The following VSIR variants were observed in gnomAD, a reference collection of about 807,000 sequenced individuals.
VSIR encodes the protein V-set immunoregulatory receptor.
In VSIR, 10 loss-of-function variants were observed where a neutral mutation model predicts 31.0. That is an observed-to-expected ratio of 0.32 (90% CI 0.20 to 0.55). The LOEUF (loss-of-function observed/expected upper bound fraction) is 0.55, where lower values mean the gene tolerates loss of function less well. Ranked by LOEUF, VSIR falls within the 20% of genes least tolerant of loss-of-function variation. VSIR has a pLI of 0.93. For synonymous variants in VSIR, 179 were observed against 180.1 expected, an observed-to-expected ratio of 0.99 and a Z score of 0.05; for missense variants, 356 against 416.2, an observed-to-expected ratio of 0.86 and a Z score of 1.26.
intron 1 of VSIR, among the ~76,000 whole-genome samples, chr10:71,764,629 G>T (rs1840483784): frequency 6.6e-6 from 1 of 152,122 alleles, no homozygotes; most frequent in African/African-American, 2.4e-5. Flanking sequence ...AGCAGCTTTT[G>T]GGGGGCACCG....
chr10:71,758,267 G>A (rs1429072867), intron 3 of VSIR, among the ~76,000 whole-genome samples: 2 of 152,186 alleles, frequency 1.3e-5, no homozygotes, highest in African/African-American at 4.8e-5. Context: ...TTGGGTCCGT[G>A]GTTTAGCTGA....
rs1200671320 is a variant in VSIR, at chr10:71,760,240, T to C, written c.568+628A>G. Among the ~76,000 whole-genome samples, 74 of 35,668 alleles carry C rather than the reference T, an allele frequency of 2.1e-3. 23 individuals are homozygous for C. Among genetic ancestry groups the C allele is most frequent in the African/African-American group, 6.2e-3 (66 of 10,632 alleles). The allele number at this position is 35,668 out of a possible 152,430, so 23.4% of individuals were successfully genotyped here. ...ATATGTGTATATATATGTATATACA[T>C]ATATATGTATGTATATATATGTATA... On this transcript the variant is annotated intron_variant, in intron 3 of 6. Transcript: ENST00000394957.
Position 71,750,377 on chromosome 10 carries a change from T to C in VSIR, c.*876A>G, listed in dbSNP as rs1839963960. On this transcript the variant is annotated 3_prime_UTR_variant, in exon 7 of 7. Transcript: ENST00000394957. ...CTTCATACTCAGAAGTGTCCCAGGG[T>C]GGACAAGACATTGTGTGGCACCCTT... 6.6e-6 allele frequency: 1 copy of C among 150,732 alleles called. No homozygotes were observed. Among genetic ancestry groups the C allele is most frequent in the South Asian group, 2.1e-4 (1 of 4,746 alleles). The allele number at this position is 150,732 out of a possible 1,614,324, so 9.3% of individuals were successfully genotyped here.
At chr10:71,764,499 T>C (rs1397429610) in intron 1 of VSIR, among the ~76,000 whole-genome samples, 1 of 152,208 alleles carries the variant, frequency 6.6e-6, no homozygotes, top group Non-Finnish European at 1.5e-5. Flanking sequence ...TTTCTTGAGA[T>C]GGCAACATTT....
In VSIR at chr10:71,772,010, C is replaced by A. The variant is rs528443667; in HGVS notation, c.82+1348G>T. Among the ~76,000 whole-genome samples, 671 of 152,334 alleles carry A rather than the reference C, an allele frequency of 4.4e-3. 4 individuals carry two copies. Among genetic ancestry groups the A allele is most frequent in the Middle Eastern group, 6.8e-3 (2 of 294 alleles). Reference sequence around the variant, plus strand: ...GGTGGGATGCTGGCTTGCCTGCCTGCCACCATCCTCTGTTCCTTCTGGAAG... The same window carrying A: ...GGTGGGATGCTGGCTTGCCTGCCTGACACCATCCTCTGTTCCTTCTGGAAG... On this transcript the variant is annotated intron_variant, in intron 1 of 6. Coordinates refer to ENST00000394957, the MANE Select transcript of VSIR (RefSeq NM_022153.2).
rs377080999 is a variant in VSIR at position 71,751,600 on chromosome 10, G to A, written c.898+68C>T. The A allele has an allele frequency of 1.6e-5, 24 of 1,474,096 alleles. No homozygotes were observed. The highest frequency in any genetic ancestry group is 2.5e-4 in the Middle Eastern group (1 of 3,990). 91.3% of individuals were successfully genotyped at this position (1,474,096 alleles called of 1,614,324 possible). ...TTCAGGGAGGGCAGGGAGTGAGGCC[G>A]ATGCCCTGCAGGCCATGAGGTCATG... On this transcript the variant is annotated intron_variant, in intron 6 of 6. Coordinates refer to ENST00000394957, the MANE Select transcript of VSIR (RefSeq NM_022153.2). This position sits in a 1 kb window ranked among gnomAD's most constrained non-coding sequence, Gnocchi z 4.9.
intron 4 of VSIR, among the ~76,000 whole-genome samples, chr10:71,754,319 G>T (rs57625458): frequency 0.098 from 14,873 of 152,164 alleles, 848 homozygotes; most frequent in South Asian, 0.22. Context: ...CCACTATGGG[G>T]CTTCACGTGG....
intron 1 of VSIR, among the ~76,000 whole-genome samples, chr10:71,768,669 G>A (rs529928136): frequency 1.1e-4 from 16 of 151,638 alleles, no homozygotes; most frequent in African/African-American, 3.4e-4. Context: ...ATGGGGTCTC[G>A]TTATGTTGTC....
intron 1 of VSIR, among the ~76,000 whole-genome samples, chr10:71,762,544 A>T (rs1365260263): frequency 3.9e-5 from 6 of 152,240 alleles, no homozygotes; most frequent in Admixed American, 3.9e-4. Context: ...TGCTGAATGC[A>T]TGGCCTCCCC....
At chr10:71,765,631 C>T (rs1353599872) in intron 1 of VSIR, among the ~76,000 whole-genome samples, 1 of 152,136 alleles carries the variant, frequency 6.6e-6, no homozygotes, top group Non-Finnish European at 1.5e-5. Context: ...GAGGCAACTT[C>T]CTTGAGATGC....
At chr10:71,762,114 T>C in intron 1 of VSIR, 88 bp from the exon 2 acceptor site, 1 of 1,414,816 alleles carries the variant, frequency 7.1e-7, no homozygotes, top group Non-Finnish European at 9.3e-7. Flanking sequence ...TAGCCTCTGC[T>C]ACTTCCCAGC....
At chr10:71,752,747 G>A (rs960817697) in intron 5 of VSIR, among the ~76,000 whole-genome samples, 15 of 152,154 alleles carry the variant, frequency 9.9e-5, no homozygotes, top group African/African-American at 3.6e-4. Context: ...ACTGAGACCC[G>A]AAGGTGGGTG....
At chr10:71,770,235 G>C (rs545530705) in intron 1 of VSIR, among the ~76,000 whole-genome samples, 75 of 152,376 alleles carry the variant, frequency 4.9e-4, no homozygotes, top group Non-Finnish European at 8.5e-4. Context: ...GAGGAGCCGG[G>C]TGCTGTGTTA....
At chr10:71,754,795 A>C (rs181599248) in intron 4 of VSIR, among the ~76,000 whole-genome samples, 19 of 152,322 alleles carry the variant, frequency 1.2e-4, no homozygotes, top group Non-Finnish European at 2.6e-4. Context: ...TTCCCTGGAA[A>C]GAGCATGCGT....
At chr10:71,758,948 C>A (rs570256129) in intron 3 of VSIR, among the ~76,000 whole-genome samples, 1 of 151,844 alleles carries the variant, frequency 6.6e-6, no homozygotes, top group East Asian at 1.9e-4. Flanking sequence ...CGGCTCACTG[C>A]AACTTCTGCC....
At chr10:71,759,838 CACACACACATAT>C (rs1444248560) in intron 3 of VSIR, among the ~76,000 whole-genome samples, 9 of 57,258 alleles carry the variant, frequency 1.6e-4, no homozygotes, top group East Asian at 4.6e-4. Context: ...CACACACACA[CACACACACATAT>C]ACACACACAC....
In VSIR at chr10:71,767,814, G is replaced by A. The variant is rs945138574; in HGVS notation, c.82+5544C>T. Reference sequence around the variant, plus strand: ...TGTCCATTCACATCAGACCAAGGGGGCTGGGAAGGGGAAGCCAGGCTCTAT... The same window carrying A: ...TGTCCATTCACATCAGACCAAGGGGACTGGGAAGGGGAAGCCAGGCTCTAT... On this transcript the variant is annotated intron_variant, in intron 1 of 6. Coordinates refer to ENST00000394957, the MANE Select transcript of VSIR (RefSeq NM_022153.2). Among the ~76,000 whole-genome samples, 13 of 152,230 alleles carry A rather than the reference G, an allele frequency of 8.5e-5. No homozygotes were observed. The East Asian group carries it at 2.5e-3, about 29-fold the overall frequency.
intron 1 of VSIR, among the ~76,000 whole-genome samples, chr10:71,769,229 T>TCTTTCTCTCAC (rs57151070): frequency 0.99 from 151,126 of 152,344 alleles, 75,012 homozygotes; most frequent in Middle Eastern, 1. Context: ...CTCTAAAACA[T>TCTTTCTCTCAC]TTGCTAATCT....
At chr10:71,771,772 G>A (rs946201406) in intron 1 of VSIR, among the ~76,000 whole-genome samples, 6 of 152,326 alleles carry the variant, frequency 3.9e-5, no homozygotes, top group Admixed American at 1.3e-4. Context: ...AGCAATATAG[G>A]GGAAGGCGTC....
Sources: gnomAD v4.1 joint callset for allele counts (sites outside exome capture counted in the v4.1 genomes callset) on GRCh38, gnomAD v4.1.1 for gene constraint, Gnocchi (gnomAD v3.1) non-coding constraint, MANE v1.5 for transcripts, NCBI Gene and HGNC (gene_info 2026-07-23, HGNC 2026-07-21) for gene names.